TECPR2: variants seen among roughly 807,000 people sequenced by gnomAD.
TECPR2 encodes the protein tectonin beta-propeller repeat containing 2.
TECPR2 carries 65 observed loss-of-function variants against 138.1 expected under a neutral mutation model. The observed-to-expected ratio is 0.47, with a 90% CI of 0.39 to 0.58. The LOEUF (loss-of-function observed/expected upper bound fraction) is 0.58. Ranked by LOEUF, TECPR2 falls within the 20% of genes least tolerant of loss-of-function variation. The pLI is 0.00. For missense variants in TECPR2, 1,553 were observed against 1,824.5 expected (o/e 0.85, Z 2.71); for synonymous variants, 746 against 749.8 (o/e 0.99, Z 0.08).
intron 2 of TECPR2, among the ~76,000 whole-genome samples, chr14:102,383,637 A>G (rs933602601): frequency 2.0e-5 from 3 of 151,960 alleles, no homozygotes; most frequent in Non-Finnish European, 4.4e-5. Flanking sequence ...CAAACTCCTG[A>G]TCGCAAGTGA....
At chr14:102,496,842 G>A (rs902625782) in intron 17 of TECPR2, 137 bp from the exon 18 acceptor site, 28 of 1,316,298 alleles carry the variant, frequency 2.1e-5, no homozygotes, top group Admixed American at 1.7e-4. Flanking sequence ...GGGGCAGGAC[G>A]TGGCCTCTCT....
intron 4 of TECPR2, among the ~76,000 whole-genome samples, chr14:102,411,520 A>C (rs1186711638): frequency 1.3e-5 from 2 of 151,774 alleles, no homozygotes; most frequent in African/African-American, 4.9e-5. Context: ...CTCAAAAAGC[A>C]CCCCCACTGA....
chr14:102,395,162 C>T (rs2139679206), intron 2 of TECPR2, among the ~76,000 whole-genome samples: 1 of 152,282 alleles, frequency 6.6e-6, no homozygotes, highest in South Asian at 2.1e-4. Context: ...AAAGTGAGCT[C>T]CTTCATTACC....
rs1368785747 is a variant in TECPR2 at position 102,452,403 on chromosome 14, T to C, written c.3416T>C (p.Leu1139Pro). Residue 1139 changes from leucine to proline, a missense_variant, in exon 16 of 20, where the codon CTG becomes CCG. By Grantham distance (98) the Leu-to-Pro change is moderately conservative. Transcript: ENST00000359520. ...SAAPTKEGSF[L>P]WLCQSSKDLC... is the part of the protein sequence containing the mutation. Reference sequence around the variant, plus strand: ...TGACCCCTTTCTGCAGGAAGCTTCCTGTGGCTGTGCCAGAGCAGCAAGGAC... The same window carrying C: ...TGACCCCTTTCTGCAGGAAGCTTCCCGTGGCTGTGCCAGAGCAGCAAGGAC... The C allele has an allele frequency of 3.1e-6, 5 of 1,605,866 alleles. No homozygotes were observed. The highest frequency in any genetic ancestry group is 4.3e-6 in the Non-Finnish European group (5 of 1,173,334).
chr14:102,457,327 C>T (rs1890298919), intron 16 of TECPR2, among the ~76,000 whole-genome samples: 1 of 151,554 alleles, frequency 6.6e-6, no homozygotes, highest in African/African-American at 2.4e-5. Context: ...TCAACTGATG[C>T]ACCCGTCTTG....
intron 4 of TECPR2, 132 bp downstream of exon 4, chr14:102,408,751 A>T: frequency 9.6e-7 from 1 of 1,043,138 alleles, no homozygotes; most frequent in Non-Finnish European, 1.3e-6. Flanking sequence ...GTTATTTGTA[A>T]CATTTACTTT....
intron 17 of TECPR2, among the ~76,000 whole-genome samples, chr14:102,473,399 T>C (rs1890689943): frequency 6.6e-6 from 1 of 152,226 alleles, no homozygotes; most frequent in South Asian, 2.1e-4. Flanking sequence ...AATCTGAGGA[T>C]TGGAGAACAA....
rs567295305 is a variant in TECPR2 at position 102,375,308 on chromosome 14, T to C, written c.-72-1342T>C. Among the ~76,000 whole-genome samples, 488 of 152,270 alleles carry C rather than the reference T, an allele frequency of 3.2e-3. 4 individuals are homozygous for C. The highest frequency in any genetic ancestry group is 0.011 in the African/African-American group (476 of 41,546). ...CGTCAGTGAGTCATGATCTTGCTAC[T>C]GCTTTCCAGCCTGGGTCACAGAGTG... On this transcript the variant is annotated intron_variant, in intron 1 of 19. Coordinates refer to ENST00000359520, the MANE Select transcript of TECPR2 (RefSeq NM_014844.5).
chr14:102,392,919 A>T lies in TECPR2; in HGVS notation c.220-14419A>T, dbSNP rs1017366797. On this transcript the variant is annotated intron_variant, in intron 2 of 19. Transcript: ENST00000359520. ...TTATGATGACACATTCTTCGGAAAG[A>T]TTCTTTTTTATTCGTTCCAATCAAT... Among the ~76,000 whole-genome samples the T allele has an allele frequency of 4.6e-5, 7 of 152,160 alleles. No homozygotes were observed. In the South Asian group the frequency reaches 8.3e-4, roughly 18 times the overall value.
In TECPR2 at chr14:102,443,512, T is replaced by C. The variant is rs941286126; in HGVS notation, c.2753-135T>C. On this transcript the variant is annotated intron_variant, in intron 11 of 19. Coordinates refer to ENST00000359520, the MANE Select transcript of TECPR2 (RefSeq NM_014844.5). The surrounding 1 kb of genome is among the most constrained non-coding windows in gnomAD (Gnocchi z 4.9). ...TTTTTAATTAATTAATTAATTAAAG[T>C]TTTTTTTTAAAGCACTCATCATAAA... is the stretch of plus-strand genomic sequence containing the variant. The C allele has an allele frequency of 1.3e-6, 1 of 753,074 alleles. No individual in the cohort carries two copies. Among genetic ancestry groups the C allele is most frequent in the Non-Finnish European group, 1.8e-6 (1 of 551,898 alleles). The allele number at this position is 753,074 out of a possible 1,614,324, so 46.6% of individuals were successfully genotyped here.
In TECPR2 at chr14:102,497,592, G is replaced by A. The variant is rs779731666; in HGVS notation, c.3954G>A (p.Ala1318=). Residue 1318 remains alanine, a synonymous_variant, in exon 19 of 20, where the codon GCG becomes GCA. Transcript: ENST00000359520. The stretch of plus-strand genomic sequence containing the variant: ...CAGGGTTGCAGGCCTGCCAGCTGGC[G>A]CTGAGCACCAGGACCGTGTGGGCCC... ...HVPGLQACQL[A]LSTRTVWARC... The A allele has an allele frequency of 1.5e-5, 24 of 1,604,052 alleles. 1 individual carries two copies. Among genetic ancestry groups the A allele is most frequent in the South Asian group, 1.3e-4 (12 of 89,764 alleles).
rs944330713 is a variant in TECPR2 at position 102,453,486 on chromosome 14, A to T, written c.3640+859A>T. On this transcript the variant is annotated intron_variant, in intron 16 of 19. Transcript: ENST00000359520. Reference sequence around the variant, plus strand: ...CAGAGCGAGATTCTGTTTCAAAAAAAAAAAAAGAAGAAGAAAGAAAGAAAT... The same window carrying T: ...CAGAGCGAGATTCTGTTTCAAAAAATAAAAAAGAAGAAGAAAGAAAGAAAT... Among the ~76,000 whole-genome samples the T allele has an allele frequency of 2.6e-5, 4 of 152,228 alleles. No homozygotes were observed. In the East Asian group the frequency reaches 7.7e-4, roughly 29 times the overall value.
At chr14:102,467,355 G>A (rs886069098) in intron 17 of TECPR2, among the ~76,000 whole-genome samples, 51 of 119,546 alleles carry the variant, frequency 4.3e-4, no homozygotes, top group African/African-American at 1.6e-3. Context: ...CCAGAGTTTC[G>A]CTCTTATTGC....
At position 102,428,231 on chromosome 14, in the gene TECPR2, T is replaced by C; in HGVS notation, c.952-19T>C. ...TAGTTTTGTGTTTTTTGTTTTTTTTTTTTTTTTTTTTTTGACAGGCCACAG... is the reference window on the plus strand; with the variant it reads ...TAGTTTTGTGTTTTTTGTTTTTTTTCTTTTTTTTTTTTTGACAGGCCACAG... On this transcript the variant is annotated intron_variant, in intron 6 of 19. Transcript: ENST00000359520. The C allele has an allele frequency of 7.4e-7, 1 of 1,357,930 alleles. No homozygotes were observed. 84.1% of individuals were successfully genotyped at this position (1,357,930 alleles called of 1,614,324 possible).
chr14:102,463,142 C>T (rs1014093341), intron 16 of TECPR2, among the ~76,000 whole-genome samples: 1 of 152,098 alleles, frequency 6.6e-6, no homozygotes, highest in African/African-American at 2.4e-5. Flanking sequence ...TGAAACAGGC[C>T]GGGCGCAGTG....
chr14:102,428,240 T>TTTTTTTTTTTC lies in TECPR2; in HGVS notation c.952-6_952-5insTTTTTTCTTTT. The TTTTTTTTTTTC allele has an allele frequency of 6.9e-7, 1 of 1,441,158 alleles. No homozygotes were observed. The highest frequency in any genetic ancestry group is 1.5e-5 in the South Asian group (1 of 67,622). 89.3% of individuals were successfully genotyped at this position (1,441,158 alleles called of 1,614,324 possible). On this transcript the variant is annotated splice_polypyrimidine_tract_variant and intron_variant, in intron 6 of 19. Coordinates refer to ENST00000359520, the MANE Select transcript of TECPR2 (RefSeq NM_014844.5). ...GTTTTTTGTTTTTTTTTTTTTTTTT[T>TTTTTTTTTTTC]TTTTGACAGGCCACAGTTGCTGGTT...
At chr14:102,451,735 C>G (rs148921716) in intron 15 of TECPR2, among the ~76,000 whole-genome samples, 1 of 152,248 alleles carries the variant, frequency 6.6e-6, no homozygotes, top group East Asian at 1.9e-4. Context: ...CTTCATATAA[C>G]GTACTGTGAC....
rs943477480 is a variant in TECPR2, at chr14:102,501,830, T to C, written c.*3573T>C. The C allele has an allele frequency of 1.3e-5, 2 of 152,156 alleles. No individual in the cohort carries two copies. The highest frequency in any genetic ancestry group is 2.4e-5 in the African/African-American group (1 of 41,426). The allele number at this position is 152,156 out of a possible 1,614,324, so 9.4% of individuals were successfully genotyped here. On this transcript the variant is annotated 3_prime_UTR_variant, in exon 20 of 20. Transcript: ENST00000359520. ...CACTTCGAGTCGAGTGTAAGGGCCCTTCACAAAAGCAGAAGGAACACTGGC... is the reference window on the plus strand; with the variant it reads ...CACTTCGAGTCGAGTGTAAGGGCCCCTCACAAAAGCAGAAGGAACACTGGC...
chr14:102,472,889 G>A (rs1264427096), intron 17 of TECPR2, among the ~76,000 whole-genome samples: 2 of 152,354 alleles, frequency 1.3e-5, no homozygotes, highest in South Asian at 2.1e-4. Flanking sequence ...GGCTGAGGAA[G>A]GCGCTTCTCC....
Sources: gnomAD v4.1 joint callset for allele counts (sites outside exome capture counted in the v4.1 genomes callset) on GRCh38, gnomAD v4.1.1 for gene constraint, Gnocchi (gnomAD v3.1) non-coding constraint, MANE v1.5 for transcripts, NCBI Gene and HGNC (gene_info 2026-07-23, HGNC 2026-07-21) for gene names.